Variants in DNER observed in about 807,000 individuals in gnomAD.
DNER encodes the protein delta/notch like EGF repeat containing, also known as delta and Notch-like epidermal growth factor-related receptor.
A neutral mutation model predicts 78.2 loss-of-function variants in DNER; 33 were observed. The observed-to-expected ratio is 0.42, with a 90% CI of 0.32 to 0.56. The LOEUF (loss-of-function observed/expected upper bound fraction) is 0.56. Among genes scored for constraint, DNER ranks in the 20% least tolerant of loss-of-function variants. The pLI, the probability that DNER is intolerant of heterozygous loss-of-function variation, is 0.11. For synonymous variants in DNER, 417 were observed against 384.8 expected, an observed-to-expected ratio of 1.08 and a Z score of -0.98; for missense variants, 918 against 975.3, an observed-to-expected ratio of 0.94 and a Z score of 0.78.
At chr2:229,668,534 G>A (rs6741920) in intron 1 of DNER, among the ~76,000 whole-genome samples, 557 of 4,414 alleles carry the variant, frequency 0.13, 5 homozygotes, top group Middle Eastern at 0.5. Flanking sequence ...GTGTGTGTGT[G>A]TGTATATATA....
chr2:229,522,796 C>G (rs890137035), intron 5 of DNER, among the ~76,000 whole-genome samples: 1 of 152,184 alleles, frequency 6.6e-6, no homozygotes, highest in African/African-American at 2.4e-5. Context: ...GGGGACGGAA[C>G]AGAGGACAAA....
intron 7 of DNER, among the ~76,000 whole-genome samples, chr2:229,475,896 T>A (rs1432135761): frequency 1.3e-5 from 2 of 152,006 alleles, no homozygotes; most frequent in East Asian, 3.9e-4. Flanking sequence ...TCAATCAGAG[T>A]TAGGTGGCGA....
chr2:229,465,952 C>T (rs1043033175), intron 7 of DNER, among the ~76,000 whole-genome samples: 1 of 152,184 alleles, frequency 6.6e-6, no homozygotes, highest in Admixed American at 6.5e-5. Context: ...TCTCCTTGTC[C>T]TCTTATAGCC....
At chr2:229,557,220 G>C (rs977311088) in intron 4 of DNER, among the ~76,000 whole-genome samples, 8 of 152,198 alleles carry the variant, frequency 5.3e-5, no homozygotes, top group Admixed American at 4.6e-4. Flanking sequence ...GCCAGTGTGA[G>C]TTCTTTGACA....
At chr2:229,687,387 C>A (rs894246994) in intron 1 of DNER, among the ~76,000 whole-genome samples, 1 of 151,864 alleles carries the variant, frequency 6.6e-6, no homozygotes, top group Non-Finnish European at 1.5e-5. Flanking sequence ...CCTCAGCCTC[C>A]TGAGTAGCTG....
At chr2:229,714,111 A>T in intron 1 of DNER, 37 bp downstream of exon 1, 1 of 1,264,936 alleles carries the variant, frequency 7.9e-7, no homozygotes, top group Non-Finnish European at 1.0e-6. Context: ...CTGGTCCCGG[A>T]CCAGCGCCCC....
rs568241472 is a variant in DNER, at chr2:229,435,952, A to AT, written c.1486+11363dup. 4.3e-3 allele frequency among the ~76,000 whole-genome samples: 657 copies of AT among 152,174 alleles called. 1 individual carries two copies. Among genetic ancestry groups the AT allele is most frequent in the African/African-American group, 0.015 (629 of 41,528 alleles). The stretch of plus-strand genomic sequence containing the variant: ...AACAAGTTAACAACATTTGATTGTG[A>AT]TTTTTTTTAACTTTTATTTTAGGTT... On this transcript the variant is annotated intron_variant, in intron 8 of 12. Coordinates refer to ENST00000341772, the MANE Select transcript of DNER (RefSeq NM_139072.4).
chr2:229,646,383 T>A (rs1027398106), intron 1 of DNER, among the ~76,000 whole-genome samples: 1 of 152,226 alleles, frequency 6.6e-6, no homozygotes, highest in Non-Finnish European at 1.5e-5. Context: ...AAATATATAA[T>A]GTTGTATCTG....
intron 1 of DNER, among the ~76,000 whole-genome samples, chr2:229,678,546 T>G (rs746536981): frequency 2.0e-5 from 3 of 152,184 alleles, no homozygotes; most frequent in Admixed American, 6.6e-5. Context: ...GTCAAAAAGG[T>G]TTGGCAGATG....
chr2:229,498,026 CA>C (rs1559149077), intron 6 of DNER, among the ~76,000 whole-genome samples: 1 of 151,684 alleles, frequency 6.6e-6, no homozygotes, highest in Non-Finnish European at 1.5e-5. Context: ...AAAAAATTCT[CA>C]AAAAAACACT....
At chr2:229,365,705 G>A (rs1210245434) in intron 12 of DNER, among the ~76,000 whole-genome samples, 2 of 152,176 alleles carry the variant, frequency 1.3e-5, no homozygotes, top group African/African-American at 4.8e-5. Flanking sequence ...CAATGTGCTG[G>A]GATTGCAGGC....
chr2:229,403,632 TAG>T (rs963354451), intron 10 of DNER, among the ~76,000 whole-genome samples: 5 of 152,114 alleles, frequency 3.3e-5, no homozygotes, highest in Admixed American at 6.5e-5. Flanking sequence ...AAAAAGCAGT[TAG>T]AGTGATGTTT....
intron 1 of DNER, among the ~76,000 whole-genome samples, chr2:229,654,949 T>A (rs1176514624): frequency 6.6e-6 from 1 of 152,102 alleles, no homozygotes; most frequent in Non-Finnish European, 1.5e-5. Context: ...AAAAACTACA[T>A]AAAGAAATAC....
Position 229,653,838 on chromosome 2 carries a change from A to G in DNER, c.276+60310T>C, listed in dbSNP as rs559508254. 8.5e-5 allele frequency among the ~76,000 whole-genome samples: 13 copies of G among 152,322 alleles called. No homozygotes were observed. The South Asian group carries it at 2.5e-3, about 29-fold the overall frequency. ...ATTACCCTAAAAGGAAATACCCAAC[A>G]TAGGGGAAAATATGGGGCTTAGTAC... On this transcript the variant is annotated intron_variant, in intron 1 of 12. Coordinates refer to ENST00000341772, the MANE Select transcript of DNER (RefSeq NM_139072.4).
intron 6 of DNER, among the ~76,000 whole-genome samples, chr2:229,480,586 T>C (rs1273519603): frequency 6.6e-6 from 1 of 152,228 alleles, no homozygotes; most frequent in East Asian, 1.9e-4. Context: ...CAATACCGTA[T>C]GCAAGTTCGG....
At chr2:229,531,505 G>A (rs904272712) in intron 5 of DNER, among the ~76,000 whole-genome samples, 1 of 152,120 alleles carries the variant, frequency 6.6e-6, no homozygotes, top group African/African-American at 2.4e-5. Context: ...AAAAAAAATG[G>A]AAAATAACAA....
chr2:229,413,619 C>A (rs994719260), intron 9 of DNER, among the ~76,000 whole-genome samples: 1 of 151,438 alleles, frequency 6.6e-6, no homozygotes, highest in African/African-American at 2.4e-5. Context: ...CCGCCCCCGG[C>A]CTTTTTTCCT....
At chr2:229,399,555 G>A (rs1284700979) in intron 10 of DNER, among the ~76,000 whole-genome samples, 1 of 151,884 alleles carries the variant, frequency 6.6e-6, no homozygotes, top group Admixed American at 6.6e-5. Flanking sequence ...TATATGAAAA[G>A]GCTAAGGATC....
intron 11 of DNER, among the ~76,000 whole-genome samples, chr2:229,381,007 G>A (rs551366909): frequency 9.2e-5 from 14 of 152,322 alleles, no homozygotes; most frequent in Admixed American, 2.6e-4. Context: ...GAACAGCTCT[G>A]GTGTGCAGCT....
Sources: gnomAD v4.1 joint callset for allele counts (sites outside exome capture counted in the v4.1 genomes callset) on GRCh38, gnomAD v4.1.1 for gene constraint, MANE v1.5 for transcripts, NCBI Gene and HGNC (gene_info 2026-07-23, HGNC 2026-07-21) for gene names.